SQOR: variants seen among roughly 807,000 people sequenced by gnomAD.
SQOR encodes the protein sulfide quinone oxidoreductase.
In SQOR, 39 loss-of-function variants were observed where a neutral mutation model predicts 48.6. The observed-to-expected ratio is 0.80, with a 90% CI of 0.62 to 1.05. The LOEUF (loss-of-function observed/expected upper bound fraction) is 1.05. SQOR is among the 50% of genes least tolerant of loss of function. The pLI is 0.00. For synonymous variants in SQOR, 220 were observed against 206.2 expected, an observed-to-expected ratio of 1.07 and a Z score of -0.57; for missense variants, 561 against 559.9, an observed-to-expected ratio of 1.00 and a Z score of -0.02.
rs35615433 is a variant in SQOR, at chr15:45,689,098, G to A, written c.1176G>A (p.Glu392=). The A allele has an allele frequency of 2.8e-3, 4,592 of 1,614,128 alleles. 137 individuals carry two copies. In the African/African-American group the frequency reaches 0.057, roughly 20 times the overall value. ...VTGYNRVILA[E]FDYKAEPLET... The stretch of plus-strand genomic sequence containing the variant: ...GCTACAACCGTGTGATTCTTGCTGA[G>A]TTTGACTACAAAGCAGAGCCGCTAG... Residue 392 remains glutamate, a synonymous_variant, in exon 9 of 10, where the codon GAG becomes GAA. Transcript: ENST00000260324.
intron 9 of SQOR, among the ~76,000 whole-genome samples, chr15:45,690,315 C>T (rs1890300437): frequency 6.6e-6 from 1 of 152,162 alleles, no homozygotes; most frequent in Non-Finnish European, 1.5e-5. Flanking sequence ...ATCCACCTGC[C>T]TCAGCCTCCC....
chr15:45,676,053 G>T lies in SQOR; in HGVS notation c.655-48G>T, dbSNP rs62008305. 38 of 1,507,754 alleles carry T rather than the reference G, an allele frequency of 2.5e-5. No individual in the cohort carries two copies. The African/African-American group carries it at 4.7e-4, about 18-fold the overall frequency. 93.4% of individuals were successfully genotyped at this position (1,507,754 alleles called of 1,614,324 possible). On this transcript the variant is annotated intron_variant, in intron 5 of 9. Coordinates refer to ENST00000260324, the MANE Select transcript of SQOR (RefSeq NM_021199.4). The stretch of plus-strand genomic sequence containing the variant: ...CTTGTCTGGATTAAAAAAAAAAAAG[G>T]CAGCTGCAGTCATGCTTTGGTGTGA...
At chr15:45,684,477 G>C (rs1410794568) in intron 7 of SQOR, among the ~76,000 whole-genome samples, 1 of 152,008 alleles carries the variant, frequency 6.6e-6, no homozygotes, top group African/African-American at 2.4e-5. Context: ...ATATGTTTTG[G>C]CAAAAATCTC....
chr15:45,646,536 A>AT (rs1481614382), intron 1 of SQOR, among the ~76,000 whole-genome samples: 1 of 152,232 alleles, frequency 6.6e-6, no homozygotes, highest in East Asian at 1.9e-4. Flanking sequence ...ATGTATGATT[A>AT]TAAGTTGTGT....
chr15:45,651,090 G>A (rs892316751), intron 1 of SQOR, among the ~76,000 whole-genome samples: 4 of 152,222 alleles, frequency 2.6e-5, no homozygotes, highest in East Asian at 3.9e-4. Context: ...AGGCTCACCC[G>A]TGTGGGAGCC....
intron 1 of SQOR, 60 bp from the exon 2 acceptor site, chr15:45,658,847 C>T (rs938114300): frequency 3.1e-5 from 41 of 1,304,284 alleles, no homozygotes; most frequent in African/African-American, 9.0e-5. Flanking sequence ...GGAAAGAAAA[C>T]GCTTCAGTCC....
rs759061454 is a variant in SQOR at position 45,691,071 on chromosome 15, C to T, written c.*41C>T. ...TGCTCATCTTGGATGGCTTCTGGGC[C>T]AAAACTGCAGTCACTGAATGACCAA... is the stretch of plus-strand genomic sequence containing the variant. On this transcript the variant is annotated 3_prime_UTR_variant, in exon 10 of 10. Coordinates refer to ENST00000260324, the MANE Select transcript of SQOR (RefSeq NM_021199.4). 6.4e-7 allele frequency: 1 copy of T among 1,558,436 alleles called. No individual in the cohort carries two copies. The highest frequency in any genetic ancestry group is 1.7e-5 in the Admixed American group (1 of 59,936).
At chr15:45,689,271 A>T in intron 9 of SQOR, 54 bp downstream of exon 9, 12 of 1,570,116 alleles carry the variant, frequency 7.6e-6, no homozygotes, top group African/African-American at 1.4e-5. Flanking sequence ...GCACATCTCC[A>T]CCCAAAGGGG....
intron 3 of SQOR, among the ~76,000 whole-genome samples, chr15:45,669,251 C>A (rs983884699): frequency 2.0e-5 from 3 of 151,396 alleles, no homozygotes; most frequent in Non-Finnish European, 2.9e-5. Context: ...CTCACTGCAA[C>A]CTCCACCTCC....
At chr15:45,654,458 T>C (rs1156367070) in intron 1 of SQOR, among the ~76,000 whole-genome samples, 1 of 152,240 alleles carries the variant, frequency 6.6e-6, no homozygotes, top group Non-Finnish European at 1.5e-5. Flanking sequence ...TTCAGAGGAC[T>C]TTTTATTTAT....
intron 1 of SQOR, among the ~76,000 whole-genome samples, chr15:45,639,967 G>A (rs1895075718): frequency 6.6e-6 from 1 of 152,174 alleles, no homozygotes; most frequent in Admixed American, 6.5e-5. Context: ...CTATCTCATG[G>A]TCTTACAATC....
chr15:45,659,002 G>A lies in SQOR; in HGVS notation c.79G>A (p.Val27Ile), dbSNP rs917119412. 2 of 1,603,608 alleles carry A rather than the reference G, an allele frequency of 1.2e-6. No individual in the cohort carries two copies. The highest frequency in any genetic ancestry group is 1.3e-5 in the African/African-American group (1 of 74,944). ...CCTGCTCAGGCTGGGCACTCAGCAG[G>A]TCGGCCCCCTTCAGCTGCACACCGG... is the stretch of plus-strand genomic sequence containing the variant. ...ACLLRLGTQQVGPLQLHTGAS... is the reference protein window; with the variant it reads ...ACLLRLGTQQIGPLQLHTGAS... Residue 27 changes from valine to isoleucine, a missense_variant, in exon 2 of 10, where the codon GTC becomes ATC. Coordinates refer to ENST00000260324, the MANE Select transcript of SQOR (RefSeq NM_021199.4).
chr15:45,686,972 T>C (rs1045593060), intron 7 of SQOR, among the ~76,000 whole-genome samples: 2 of 151,680 alleles, frequency 1.3e-5, no homozygotes, highest in African/African-American at 4.8e-5. Context: ...CACGCCTGGC[T>C]AATTTTTTGT....
intron 1 of SQOR, among the ~76,000 whole-genome samples, chr15:45,635,455 G>A (rs908833534): frequency 6.6e-6 from 1 of 152,292 alleles, no homozygotes; most frequent in African/African-American, 2.4e-5. Flanking sequence ...ACTGTCACTC[G>A]GCACCGTCCT....
chr15:45,689,709 C>A (rs931907785), intron 9 of SQOR, among the ~76,000 whole-genome samples: 1 of 152,120 alleles, frequency 6.6e-6, no homozygotes, highest in African/African-American at 2.4e-5. Context: ...CATGAGCCAC[C>A]GCTCCTGGCC....
chr15:45,652,485 G>A (rs527986948), intron 1 of SQOR, among the ~76,000 whole-genome samples: 12 of 152,058 alleles, frequency 7.9e-5, no homozygotes, highest in African/African-American at 2.4e-4. Flanking sequence ...CATGCACGGG[G>A]TACCACGCCG....
At chr15:45,647,952 C>A (rs1889375614) in intron 1 of SQOR, among the ~76,000 whole-genome samples, 1 of 152,086 alleles carries the variant, frequency 6.6e-6, no homozygotes, top group Non-Finnish European at 1.5e-5. Flanking sequence ...TAATTTCAGC[C>A]AACAGGCATT....
At chr15:45,647,687 G>T (rs1247980641) in intron 1 of SQOR, among the ~76,000 whole-genome samples, 1 of 152,076 alleles carries the variant, frequency 6.6e-6, no homozygotes, top group African/African-American at 2.4e-5. Flanking sequence ...AGGCCAAGGC[G>T]GGTGGATCTC....
intron 1 of SQOR, among the ~76,000 whole-genome samples, chr15:45,657,043 G>A (rs1889623850): frequency 6.6e-6 from 1 of 152,014 alleles, no homozygotes; most frequent in Non-Finnish European, 1.5e-5. Flanking sequence ...GCTGACCTCA[G>A]GTGATCCACC....
Sources: gnomAD v4.1 joint callset for allele counts (sites outside exome capture counted in the v4.1 genomes callset) on GRCh38, gnomAD v4.1.1 for gene constraint, MANE v1.5 for transcripts, NCBI Gene and HGNC (gene_info 2026-07-23, HGNC 2026-07-21) for gene names.